Variants in PCLO observed in about 807,000 individuals in gnomAD.
The protein encoded by PCLO is protein piccolo.
A neutral mutation model predicts 427.5 loss-of-function variants in PCLO; 82 were observed. The ratio of observed to expected loss-of-function variants is 0.19; its 90% CI spans 0.16 to 0.23. PCLO has a LOEUF of 0.23. Among genes scored for constraint, PCLO ranks in the 10% least tolerant of loss-of-function variants. The pLI is 1.00. For missense variants in PCLO, 6,239 were observed against 6,115.9 expected (o/e 1.02, Z -0.67); for synonymous variants, 2,357 against 2,155.4 (o/e 1.09, Z -2.59).
At chr7:82,876,601 T>C (rs1011169421) in intron 10 of PCLO, among the ~76,000 whole-genome samples, 1 of 152,106 alleles carries the variant, frequency 6.6e-6, no homozygotes, top group African/African-American at 2.4e-5. Flanking sequence ...ATTAAAGGAA[T>C]AAACCTTTAT....
rs552930279 is a variant in PCLO, at chr7:82,842,619, A to G, written c.14047-1110T>C. Among the ~76,000 whole-genome samples the G allele has an allele frequency of 2.6e-3, 392 of 152,230 alleles. 1 individual carries two copies. The highest frequency in any genetic ancestry group is 8.9e-3 in the African/African-American group (370 of 41,568). On this transcript the variant is annotated intron_variant, in intron 13 of 24. Transcript: ENST00000333891. Reference sequence around the variant, plus strand: ...GTTTCAATCAACAGAGTGAAGAGACAACCTATAGAATGTGAGAAAATATTT... The same window carrying G: ...GTTTCAATCAACAGAGTGAAGAGACGACCTATAGAATGTGAGAAAATATTT...
intron 2 of PCLO, among the ~76,000 whole-genome samples, chr7:83,142,729 C>T (rs1791892151): frequency 6.6e-6 from 1 of 152,144 alleles, no homozygotes; most frequent in Non-Finnish European, 1.5e-5. Context: ...GAGGCCAAAG[C>T]AGGCGGATCA....
chr7:82,761,149 T>A (rs1000017813), intron 23 of PCLO, among the ~76,000 whole-genome samples: 3 of 151,678 alleles, frequency 2.0e-5, no homozygotes, highest in Non-Finnish European at 4.4e-5. Context: ...AAATTGTCCT[T>A]CTGTTGGCTA....
intron 13 of PCLO, among the ~76,000 whole-genome samples, chr7:82,845,009 A>G (rs968489480): frequency 6.6e-6 from 1 of 152,282 alleles, no homozygotes; most frequent in East Asian, 1.9e-4. Flanking sequence ...AGAGAACCAG[A>G]AAATATAAAG....
At chr7:82,854,989 G>C (rs1430954032) in intron 10 of PCLO, among the ~76,000 whole-genome samples, 4 of 152,086 alleles carry the variant, frequency 2.6e-5, no homozygotes, top group Non-Finnish European at 1.5e-5. Flanking sequence ...TGAATGGTCT[G>C]AGCTGACTGG....
chr7:83,067,207 CAG>C (rs1789691122), intron 3 of PCLO, among the ~76,000 whole-genome samples: 1 of 152,106 alleles, frequency 6.6e-6, no homozygotes, highest in African/African-American at 2.4e-5. Flanking sequence ...CCAAGCATTT[CAG>C]ATAAGGGATA....
intron 3 of PCLO, among the ~76,000 whole-genome samples, chr7:83,013,929 T>C (rs1293622415): frequency 1.3e-5 from 2 of 152,214 alleles, no homozygotes; most frequent in Non-Finnish European, 2.9e-5. Flanking sequence ...TTGTTATTAT[T>C]GTTCCTGTTT....
chr7:82,949,234 T>C (rs1795272231), intron 6 of PCLO, among the ~76,000 whole-genome samples: 1 of 151,878 alleles, frequency 6.6e-6, no homozygotes, highest in African/African-American at 2.4e-5. Flanking sequence ...CTTTGGTATT[T>C]TTAAGTGAAT....
intron 10 of PCLO, among the ~76,000 whole-genome samples, chr7:82,856,798 C>T (rs1284928326): frequency 6.6e-6 from 1 of 152,056 alleles, no homozygotes; most frequent in African/African-American, 2.4e-5. Flanking sequence ...GGTTTGAACG[C>T]CTCCTCAAAA....
At chr7:83,071,011 AT>A (rs71522643) in intron 3 of PCLO, among the ~76,000 whole-genome samples, 25,100 of 147,836 alleles carry the variant, frequency 0.17, 2,306 homozygotes, top group African/African-American at 0.23. Flanking sequence ...TTCTTTTTCT[AT>A]TTTTTTTTTT....
chr7:82,951,517 C>G, intron 5 of PCLO, 27 bp from the exon 6 acceptor site: 1 of 1,436,094 alleles, frequency 7.0e-7, no homozygotes, highest in Admixed American at 2.1e-5. Flanking sequence ...AGTTATAGTC[C>G]AGTTCCCAGA....
At chr7:83,062,366 T>C (rs11983028) in intron 3 of PCLO, among the ~76,000 whole-genome samples, 3,672 of 152,218 alleles carry the variant, frequency 0.024, 163 homozygotes, top group African/African-American at 0.084. Flanking sequence ...AAAAGGGAAA[T>C]CATATCTAAG....
Position 83,134,218 on chromosome 7 carries a change from A to AATATATATAT in PCLO, c.3300+22_3300+31dup, listed in dbSNP as rs61658777. 3,632 of 429,628 alleles carry AATATATATAT rather than the reference A, an allele frequency of 8.5e-3. 56 individuals carry two copies. The highest frequency in any genetic ancestry group is 0.041 in the Admixed American group (706 of 17,046). 26.6% of individuals were successfully genotyped at this position (429,628 alleles called of 1,614,324 possible). On this transcript the variant is annotated intron_variant, in intron 3 of 24. Transcript: ENST00000333891. ...AACCCACAGACTCACCTCCATATGTAATATATATATATATATATATATATA... is the reference window on the plus strand; with the variant it reads ...AACCCACAGACTCACCTCCATATGTAATATATATATATATATATATATATATATATATATA...
intron 3 of PCLO, among the ~76,000 whole-genome samples, chr7:83,095,990 C>T (rs1790526424): frequency 6.6e-6 from 1 of 151,988 alleles, no homozygotes; most frequent in Non-Finnish European, 1.5e-5. Flanking sequence ...AAAGCATGTT[C>T]TTTCATTAAA....
At chr7:83,046,896 G>C (rs1266492098) in intron 3 of PCLO, among the ~76,000 whole-genome samples, 1 of 151,954 alleles carries the variant, frequency 6.6e-6, no homozygotes, top group Non-Finnish European at 1.5e-5. Context: ...CCAGAAGCAA[G>C]AATTTTAAAA....
intron 3 of PCLO, among the ~76,000 whole-genome samples, chr7:83,075,474 A>G (rs1005068444): frequency 6.6e-6 from 1 of 152,176 alleles, no homozygotes; most frequent in African/African-American, 2.4e-5. Flanking sequence ...CATTTTTAAT[A>G]TACAAAATGA....
At chr7:82,977,483 G>T (rs956571002) in intron 3 of PCLO, among the ~76,000 whole-genome samples, 4 of 151,284 alleles carry the variant, frequency 2.6e-5, no homozygotes, top group African/African-American at 9.7e-5. Flanking sequence ...GTGTGACCTT[G>T]GCTCACACAA....
intron 20 of PCLO, among the ~76,000 whole-genome samples, chr7:82,817,134 C>T (rs567339425): frequency 2.6e-5 from 4 of 152,228 alleles, no homozygotes; most frequent in Admixed American, 2.6e-4. Context: ...AGGTATAGAA[C>T]TCTGAAAGCT....
chr7:83,057,544 G>T (rs1789432043), intron 3 of PCLO, among the ~76,000 whole-genome samples: 1 of 148,962 alleles, frequency 6.7e-6, no homozygotes, highest in South Asian at 2.1e-4. Flanking sequence ...TGTATTTTTA[G>T]TGGAGACGGA....
Sources: allele counts gnomAD v4.1 joint callset (sites outside exome capture counted in the v4.1 genomes callset), GRCh38; gene constraint gnomAD v4.1.1; transcripts MANE v1.5; gene names NCBI Gene and HGNC (gene_info 2026-07-23, HGNC 2026-07-21).